MAGI2: variants seen among roughly 807,000 people sequenced by gnomAD.
MAGI2 encodes membrane associated guanylate kinase, WW and PDZ domain containing 2.
A neutral mutation model predicts 133.3 loss-of-function variants in MAGI2; 35 were observed. That is an observed-to-expected ratio of 0.26 (90% CI 0.20 to 0.35). MAGI2 has a LOEUF of 0.35. Among genes scored for constraint, MAGI2 ranks in the 10% least tolerant of loss-of-function variants. The probability of loss-of-function intolerance (pLI) is 1.00; values close to 1 mark genes in which losing one functional copy is unlikely to be tolerated. For synonymous variants in MAGI2, 729 were observed against 710.6 expected, an observed-to-expected ratio of 1.03 and a Z score of -0.41; for missense variants, 1,636 against 1,863.4, an observed-to-expected ratio of 0.88 and a Z score of 2.25.
chr7:79,136,025 GAAGGAAA>G, intron 1 of MAGI2, among the ~76,000 whole-genome samples: 1 of 120,308 alleles, frequency 8.3e-6, no homozygotes, highest in Admixed American at 8.6e-5. Flanking sequence ...AAGAAAGAAA[GAAGGAAA>G]GAAAGAAAGA....
intron 3 of MAGI2, among the ~76,000 whole-genome samples, chr7:78,524,064 T>A (rs375197611): frequency 7.5e-6 from 1 of 133,584 alleles, no homozygotes; most frequent in African/African-American, 2.9e-5. Context: ...AAAAAAAAAA[T>A]CCCAGGCAGG....
chr7:78,373,646 C>G (rs1794154801), intron 6 of MAGI2, among the ~76,000 whole-genome samples: 1 of 152,066 alleles, frequency 6.6e-6, no homozygotes, highest in Non-Finnish European at 1.5e-5. Flanking sequence ...GGTGTCTTAT[C>G]TGGGTATATT....
chr7:79,247,871 C>A (rs573582464), intron 1 of MAGI2, among the ~76,000 whole-genome samples: 71 of 151,730 alleles, frequency 4.7e-4, no homozygotes, highest in Non-Finnish European at 8.7e-4. Context: ...AACAGATACA[C>A]AAAAAATAAA....
intron 1 of MAGI2, among the ~76,000 whole-genome samples, chr7:79,103,763 A>T (rs1365253925): frequency 6.6e-6 from 1 of 151,786 alleles, no homozygotes; most frequent in Admixed American, 6.6e-5. Flanking sequence ...GCAGTGGCGC[A>T]ATCTTGGCTC....
intron 2 of MAGI2, among the ~76,000 whole-genome samples, chr7:78,721,249 C>T (rs940871047): frequency 6.6e-6 from 1 of 151,936 alleles, no homozygotes; most frequent in Non-Finnish European, 1.5e-5. Flanking sequence ...GTCACCTAAG[C>T]AGTGATGTAT....
At chr7:78,532,493 C>A (rs890633537) in intron 3 of MAGI2, among the ~76,000 whole-genome samples, 5 of 152,082 alleles carry the variant, frequency 3.3e-5, no homozygotes, top group Admixed American at 1.3e-4. Flanking sequence ...TTAGAGAGTC[C>A]CTAAGTATAT....
In MAGI2 at chr7:78,076,454, CAAA is replaced by C. The variant is rs55957020; in HGVS notation, c.3706+2490_3706+2492del. Reference sequence around the variant, plus strand: ...AGTCTGGGCGACAGAGACCTTGTTTCAAAAAAAAAAAAAAAAAAAGGTGTGCCT... The same window carrying C: ...AGTCTGGGCGACAGAGACCTTGTTTCAAAAAAAAAAAAAAAAGGTGTGCCT... On this transcript the variant is annotated intron_variant, in intron 21 of 21. Coordinates refer to ENST00000354212, the MANE Select transcript of MAGI2 (RefSeq NM_012301.4). 8.9e-5 allele frequency among the ~76,000 whole-genome samples: 8 copies of C among 90,382 alleles called. No homozygotes were observed. In the South Asian group the frequency reaches 2.8e-3, roughly 31 times the overall value. The allele number at this position is 90,382 out of a possible 152,430, so 59.3% of individuals were successfully genotyped here. A position where few individuals can be genotyped will look rare whatever the true frequency, so the allele number is the denominator to read the frequency against.
chr7:79,318,753 T>C (rs182843757), intron 1 of MAGI2, among the ~76,000 whole-genome samples: 2 of 152,298 alleles, frequency 1.3e-5, no homozygotes, highest in Admixed American at 6.5e-5. Context: ...TCACACGACG[T>C]TGAAAAAATA....
intron 3 of MAGI2, among the ~76,000 whole-genome samples, chr7:78,572,483 T>C (rs1397530273): frequency 1.3e-5 from 2 of 152,060 alleles, no homozygotes; most frequent in African/African-American, 4.8e-5. Flanking sequence ...TTCATATAAT[T>C]GTTCAGAACT....
chr7:78,477,723 TTAC>T (rs1791924978), intron 6 of MAGI2, among the ~76,000 whole-genome samples: 1 of 151,874 alleles, frequency 6.6e-6, no homozygotes, highest in South Asian at 2.1e-4. Context: ...CACATGGGGA[TTAC>T]TACAATTCAA....
rs145413275 is a variant in MAGI2, at chr7:78,882,777, C to T, written c.418+124313G>A. ...ACACCCATATGTTCACCTCAATAGA[C>T]GCAAAGAAAGCTTTTGATAAAACCC... On this transcript the variant is annotated intron_variant, in intron 2 of 21. Coordinates refer to ENST00000354212, the MANE Select transcript of MAGI2 (RefSeq NM_012301.4). Among the ~76,000 whole-genome samples the T allele has an allele frequency of 2.0e-3, 298 of 152,044 alleles. 2 individuals are homozygous for T. The highest frequency in any genetic ancestry group is 6.5e-3 in the African/African-American group (268 of 41,494).
chr7:79,244,611 T>C (rs1832688873), intron 1 of MAGI2, among the ~76,000 whole-genome samples: 1 of 152,050 alleles, frequency 6.6e-6, no homozygotes, highest in Non-Finnish European at 1.5e-5. Context: ...GAAACTAGGG[T>C]TCTAGCAAGC....
intron 3 of MAGI2, among the ~76,000 whole-genome samples, chr7:78,605,178 A>T (rs1420622010): frequency 6.6e-6 from 1 of 152,170 alleles, no homozygotes; most frequent in Non-Finnish European, 1.5e-5. Context: ...GCAGTCTGAC[A>T]AGAAATGTGC....
chr7:78,761,223 T>C (rs903567009), intron 2 of MAGI2, among the ~76,000 whole-genome samples: 1 of 152,198 alleles, frequency 6.6e-6, no homozygotes, highest in Non-Finnish European at 1.5e-5. Flanking sequence ...GTAGTAAGCG[T>C]CATTTCCCTC....
At chr7:78,976,567 C>T (rs1804271233) in intron 2 of MAGI2, among the ~76,000 whole-genome samples, 1 of 151,168 alleles carries the variant, frequency 6.6e-6, no homozygotes, top group Non-Finnish European at 1.5e-5. Context: ...CTTTTTTCAC[C>T]ACTCTATTTA....
At position 78,343,768 on chromosome 7, in the gene MAGI2, A is replaced by AG; in HGVS notation, c.1408+9dup. ...TGCAAAACAATTTTCTAAACCATGA[A>AG]GGACCTTACCTGTTTCCATTTTTCC... On this transcript the variant is annotated intron_variant, in intron 9 of 21. Coordinates refer to ENST00000354212, the MANE Select transcript of MAGI2 (RefSeq NM_012301.4). The AG allele has an allele frequency of 6.7e-7, 1 of 1,491,464 alleles. No homozygotes were observed. Among genetic ancestry groups the AG allele is most frequent in the Non-Finnish European group, 8.9e-7 (1 of 1,120,754 alleles). The allele number at this position is 1,491,464 out of a possible 1,614,324, so 92.4% of individuals were successfully genotyped here. A position where few individuals can be genotyped will look rare whatever the true frequency, so the allele number is the denominator to read the frequency against.
chr7:79,292,311 CT>C (rs1836549757), intron 1 of MAGI2, among the ~76,000 whole-genome samples: 1 of 151,902 alleles, frequency 6.6e-6, no homozygotes, highest in Non-Finnish European at 1.5e-5. Flanking sequence ...GTTTTGATTA[CT>C]GTATCTTTGT....
At chr7:79,185,383 T>C (rs902958866) in intron 1 of MAGI2, among the ~76,000 whole-genome samples, 1 of 151,896 alleles carries the variant, frequency 6.6e-6, no homozygotes, top group South Asian at 2.1e-4. Flanking sequence ...ACTAGTTTAA[T>C]GAGCTGCCAT....
chr7:78,655,984 AAAAAAAAAAAAAAG>A (rs1466700857), intron 2 of MAGI2, among the ~76,000 whole-genome samples: 2 of 149,636 alleles, frequency 1.3e-5, no homozygotes, highest in African/African-American at 4.9e-5. Flanking sequence ...CCGTCTCAAA[AAAAAAAAAAAAAAG>A]AAAAAGAAAA....
Sources: gnomAD v4.1 joint callset for allele counts (sites outside exome capture counted in the v4.1 genomes callset) on GRCh38, gnomAD v4.1.1 for gene constraint, MANE v1.5 for transcripts, NCBI Gene and HGNC (gene_info 2026-07-23, HGNC 2026-07-21) for gene names.